Variants in LRCH3 observed in about 807,000 individuals in gnomAD.
The protein encoded by LRCH3 is leucine rich repeats and calponin homology domain containing 3, also known as DISP complex protein LRCH3.
LRCH3 carries 68 observed loss-of-function variants against 104.5 expected under a neutral mutation model. The observed-to-expected ratio is 0.65, with a 90% confidence interval of 0.54 to 0.80. The LOEUF is 0.80. Among genes scored for constraint, LRCH3 ranks in the 30% least tolerant of loss-of-function variants. LRCH3 has a pLI of 0.00. For synonymous variants in LRCH3, 344 were observed against 361.3 expected (o/e 0.95, Z 0.54); for missense variants, 951 against 953.9 (o/e 1.00, Z 0.04).
intron 17 of LRCH3, 99 bp downstream of exon 17, chr3:197,866,318 G>T: frequency 1.3e-6 from 1 of 793,566 alleles, no homozygotes; most frequent in South Asian, 1.5e-5. Context: ...TATAGTATAA[G>T]ACAAAGCTAT....
At chr3:197,866,829 CAAACAA>C (rs1430054351) in intron 17 of LRCH3, among the ~76,000 whole-genome samples, 1 of 119,910 alleles carries the variant, frequency 8.3e-6, no homozygotes, top group Non-Finnish European at 1.9e-5. Context: ...TCTCTTAAAA[CAAACAA>C]ACAAACAAAC....
chr3:197,865,465 GAAA>G lies in LRCH3; in HGVS notation c.1760_1762del (p.Glu587_Thr588delinsAla). 1 of 1,547,518 alleles carries G rather than the reference GAAA, an allele frequency of 6.5e-7. No individual in the cohort carries two copies. The highest frequency in any genetic ancestry group is 1.4e-5 in the African/African-American group (1 of 70,884). ...TGCTCTATTAAGTTCACCTGCAACA[GAAA>G]CAGGTAATAGACACAAAGGTGCAAT... On this transcript the variant is annotated inframe_deletion, in exon 16 of 21. Transcript: ENST00000425562.
chr3:197,850,713 C>T, intron 12 of LRCH3: 4 of 1,409,284 alleles, frequency 2.8e-6, no homozygotes, highest in Non-Finnish European at 4.0e-6. Context: ...GGGCCACCGA[C>T]CTTGTGTCCA....
intron 15 of LRCH3, chr3:197,859,412 A>C (rs1292632859): frequency 1.9e-5 from 3 of 155,910 alleles, no homozygotes; most frequent in African/African-American, 7.2e-5. Flanking sequence ...GAGGTGGAAT[A>C]ATTGTGACCA....
At position 197,817,291 on chromosome 3, in the gene LRCH3, T is replaced by C. The variant is rs1340491945; in HGVS notation, c.523T>C (p.Leu175=). ...AGAAGAAATTGGACACCTTAGACAT[T>C]TGATGGAACTTGTAAGTTAATATTT... ...LPEEIGHLRH[L]MELDVSCNEI... Residue 175 remains leucine (L), a synonymous_variant, in exon 3 of 21, where the codon TTG becomes CTG. Coordinates refer to ENST00000425562, the MANE Select transcript of LRCH3 (RefSeq NM_001365715.1). 1 of 1,538,110 alleles carries C rather than the reference T, an allele frequency of 6.5e-7. No homozygotes were observed. The highest frequency in any genetic ancestry group is 1.9e-5 in the Admixed American group (1 of 52,532).
chr3:197,858,862 G>A lies in LRCH3; in HGVS notation c.1673G>A (p.Cys558Tyr). 6.2e-7 allele frequency: 1 copy of A among 1,613,962 alleles called. No individual in the cohort carries two copies. Among genetic ancestry groups the A allele is most frequent in the South Asian group, 1.1e-5 (1 of 91,086 alleles). Residue 558 changes from cysteine (C) to tyrosine (Y), a missense_variant, in exon 15 of 21, where the codon TGT (cysteine) becomes TAT (tyrosine). Coordinates refer to ENST00000425562, the MANE Select transcript of LRCH3 (RefSeq NM_001365715.1). ...CTGTCAGGGTTGAATCAAGTGGGCTGTGCTGCTACCCTGCCTCATTCTTCT... is the reference window on the plus strand; with the variant it reads ...CTGTCAGGGTTGAATCAAGTGGGCTATGCTGCTACCCTGCCTCATTCTTCT... ...MSLSGLNQVG[C>Y]AATLPHSSAF...
intron 3 of LRCH3, 120 bp from the exon 4 acceptor site, chr3:197,820,205 A>C: frequency 1.4e-6 from 1 of 698,950 alleles, no homozygotes; most frequent in African/African-American, 1.8e-5. Context: ...AGAACCATTG[A>C]ATTAAGCTAT....
At chr3:197,835,092 C>A (rs1246386748) in intron 8 of LRCH3, among the ~76,000 whole-genome samples, 9 of 152,028 alleles carry the variant, frequency 5.9e-5, no homozygotes, top group African/African-American at 2.2e-4. Flanking sequence ...TGCAGTGAGC[C>A]AAGATTGCAC....
At chr3:197,844,979 T>C (rs193154922) in intron 10 of LRCH3, among the ~76,000 whole-genome samples, 3 of 152,274 alleles carry the variant, frequency 2.0e-5, no homozygotes, top group Admixed American at 2.0e-4. Context: ...TTTGGGGATG[T>C]CAAGATCATT....
rs778362490 is a variant in LRCH3, at chr3:197,814,983, A to T, written c.338A>T (p.Tyr113Phe). 2 of 1,592,114 alleles carry T rather than the reference A, an allele frequency of 1.3e-6. No individual in the cohort carries two copies. Among genetic ancestry groups the T allele is most frequent in the Admixed American group, 1.7e-5 (1 of 58,508 alleles). The change falls in exon 2 of 21, where the codon TAC becomes TTC. Residue 113 changes from tyrosine (Y) to phenylalanine (F), a missense_variant. By Grantham distance (22) the Tyr-to-Phe change is conservative. Transcript: ENST00000425562. The part of the protein sequence containing the change: ...HFVSLENLNL[Y>F]QNCIRYIPEA... ...GTTTCTCTGGAAAATCTCAACTTGTACCAAAATTGTATTCGTTATATTCCA... is the reference window on the plus strand; with the variant it reads ...GTTTCTCTGGAAAATCTCAACTTGTTCCAAAATTGTATTCGTTATATTCCA...
intron 14 of LRCH3, among the ~76,000 whole-genome samples, chr3:197,858,620 T>G (rs776098587): frequency 1.3e-5 from 2 of 152,110 alleles, no homozygotes; most frequent in African/African-American, 2.4e-5. Context: ...CATGAGGTAT[T>G]GAGACTATCC....
At chr3:197,882,187 G>A (rs1713829493) in intron 20 of LRCH3, 1 of 985,302 alleles carries the variant, frequency 1.0e-6, no homozygotes, top group African/African-American at 1.7e-5. Flanking sequence ...AGGCTTCTGA[G>A]TGTGAACACC....
chr3:197,792,480 TC>T (rs1033736864), intron 1 of LRCH3, among the ~76,000 whole-genome samples: 41 of 147,682 alleles, frequency 2.8e-4, no homozygotes, highest in African/African-American at 1.0e-3. Flanking sequence ...TCATCACTGC[TC>T]ACTGCAGCCT....
At position 197,854,341 on chromosome 3, in the gene LRCH3, C is replaced by A; in HGVS notation, c.1591-51C>A. 1 of 1,474,118 alleles carries A rather than the reference C, an allele frequency of 6.8e-7. No homozygotes were observed. Among genetic ancestry groups the A allele is most frequent in the Non-Finnish European group, 9.5e-7 (1 of 1,052,308 alleles). The allele number at this position is 1,474,118 out of a possible 1,614,324, so 91.3% of individuals were successfully genotyped here. ...GTGTGTATTCGTGAAATACGTCACA[C>A]GTGTGCGTAGTTTGTTTCTGACATG... On this transcript the variant is annotated intron_variant, in intron 13 of 20. Coordinates refer to ENST00000425562, the MANE Select transcript of LRCH3 (RefSeq NM_001365715.1). The surrounding 1 kb of genome is among the most constrained non-coding windows in gnomAD (Gnocchi z 4.5).
At chr3:197,795,423 A>C (rs549870641) in intron 1 of LRCH3, among the ~76,000 whole-genome samples, 3 of 152,096 alleles carry the variant, frequency 2.0e-5, no homozygotes, top group Non-Finnish European at 1.5e-5. Flanking sequence ...CCCATTTTGC[A>C]ATCAGCACAC....
At chr3:197,833,334 A>T (rs1289127592) in intron 8 of LRCH3, among the ~76,000 whole-genome samples, 2 of 129,692 alleles carry the variant, frequency 1.5e-5, no homozygotes, top group Non-Finnish European at 3.1e-5. Flanking sequence ...AGCCTGGCCA[A>T]CATGGTGAAA....
chr3:197,848,116 C>T (rs1739026810), intron 12 of LRCH3, 95 bp downstream of exon 12: 4 of 1,277,462 alleles, frequency 3.1e-6, no homozygotes, highest in African/African-American at 3.0e-5. Flanking sequence ...ATTAAAATGT[C>T]GACCATTTTT....
At position 197,852,620 on chromosome 3, in the gene LRCH3, G is replaced by GGTAAGTTGAT; in HGVS notation, c.1590+5_1590+14dup. The GGTAAGTTGAT allele has an allele frequency of 6.2e-7, 1 of 1,613,810 alleles. No individual in the cohort carries two copies. Among genetic ancestry groups the GGTAAGTTGAT allele is most frequent in the Admixed American group, 1.7e-5 (1 of 60,004 alleles). ...CGCTCCTAGATGGCGTAGATGGTGA[G>GGTAAGTTGAT]GTAAGTTGATGTAATCTCCTTTTCT... On this transcript the variant is annotated stop_gained and frameshift_variant and splice_region_variant. Transcript: ENST00000425562. LOFTEE classifies it high-confidence loss of function.
At chr3:197,795,197 C>T (rs375658521) in intron 1 of LRCH3, among the ~76,000 whole-genome samples, 180 of 152,004 alleles carry the variant, frequency 1.2e-3, no homozygotes, top group Non-Finnish European at 2.1e-3. Context: ...GTGGACAGCA[C>T]GCAAAAAATG....
Sources: gnomAD v4.1 joint callset for allele counts (sites outside exome capture counted in the v4.1 genomes callset) on GRCh38, gnomAD v4.1.1 for gene constraint, Gnocchi (gnomAD v3.1) non-coding constraint, MANE v1.5 for transcripts, NCBI Gene and HGNC (gene_info 2026-07-23, HGNC 2026-07-21) for gene names.